Variants in TBC1D10A observed in about 807,000 individuals in gnomAD.
TBC1D10A encodes TBC1 domain family member 10A.
A neutral mutation model predicts 52.9 loss-of-function variants in TBC1D10A; 24 were observed. The ratio of observed to expected loss-of-function variants is 0.45; its 90% CI spans 0.33 to 0.64. The LOEUF is 0.64. Ranked by LOEUF, TBC1D10A falls within the 30% of genes least tolerant of loss-of-function variation. The pLI is 0.02. For missense variants in TBC1D10A, 602 were observed against 687.9 expected (o/e 0.88, Z 1.40); for synonymous variants, 278 against 282.9 (o/e 0.98, Z 0.17).
chr22:30,318,218 C>T (rs1930577455), intron 1 of TBC1D10A, among the ~76,000 whole-genome samples: 2 of 152,142 alleles, frequency 1.3e-5, no homozygotes, highest in East Asian at 3.9e-4. Flanking sequence ...TTGCCAAGTG[C>T]CTCCCCTTGA....
At chr22:30,305,129 A>C (rs1035249009) in intron 1 of TBC1D10A, among the ~76,000 whole-genome samples, 1 of 152,162 alleles carries the variant, frequency 6.6e-6, no homozygotes, top group Non-Finnish European at 1.5e-5. Flanking sequence ...CTCAGCCTTT[A>C]TTCATGCCAG....
In TBC1D10A at chr22:30,326,938, C is replaced by T; in HGVS notation, c.-57G>A. On this transcript the variant is annotated 5_prime_UTR_variant, in exon 1 of 9. Coordinates refer to ENST00000215790, the MANE Select transcript of TBC1D10A (RefSeq NM_031937.3). ...GCCACCTCAGCCGCCCTGCTGCCGC[C>T]GACGCCCCGCCCACGCGCGGCGCCT... The T allele has an allele frequency of 7.4e-7, 1 of 1,348,398 alleles. No individual in the cohort carries two copies. The allele number at this position is 1,348,398 out of a possible 1,614,324, so 83.5% of individuals were successfully genotyped here.
Position 30,326,923 on chromosome 22 carries a change from C to G in TBC1D10A, c.-42G>C. 3 of 1,404,704 alleles carry G rather than the reference C, an allele frequency of 2.1e-6. No homozygotes were observed. Among genetic ancestry groups the G allele is most frequent in the Non-Finnish European group, 1.8e-6 (2 of 1,082,564 alleles). 87.0% of individuals were successfully genotyped at this position (1,404,704 alleles called of 1,614,324 possible). A position where few individuals can be genotyped will look rare whatever the true frequency, so the allele number is the denominator to read the frequency against. On this transcript the variant is annotated 5_prime_UTR_variant, in exon 1 of 9. Transcript: ENST00000215790. ...GCCTGAGCTCCAGCGGCCACCTCAGCCGCCCTGCTGCCGCCGACGCCCCGC... is the reference window on the plus strand; with the variant it reads ...GCCTGAGCTCCAGCGGCCACCTCAGGCGCCCTGCTGCCGCCGACGCCCCGC...
chr22:30,296,189 T>C (rs1930076973), intron 3 of TBC1D10A: 1 of 229,678 alleles, frequency 4.4e-6, no homozygotes, highest in South Asian at 6.1e-5. Flanking sequence ...GAAGGCTGCT[T>C]CTCTGAGCAA....
chr22:30,294,583 C>T (rs1930031701), intron 6 of TBC1D10A, among the ~76,000 whole-genome samples: 1 of 152,190 alleles, frequency 6.6e-6, no homozygotes, highest in Admixed American at 6.5e-5. Context: ...GCAAAGTGAC[C>T]AGAGCAGCTA....
At chr22:30,292,926 C>A in intron 8 of TBC1D10A, 75 bp from the exon 9 acceptor site, 1 of 1,531,478 alleles carries the variant, frequency 6.5e-7, no homozygotes. Flanking sequence ...GCCTGGGCCC[C>A]CAGTCTTCCT....
chr22:30,304,742 G>A, intron 1 of TBC1D10A, 112 bp from the exon 2 acceptor site: 1 of 1,493,748 alleles, frequency 6.7e-7, no homozygotes, highest in African/African-American at 1.4e-5. Context: ...TACCATCCCT[G>A]CTGTTCCCTT....
Position 30,292,497 on chromosome 22 carries a change from C to T in TBC1D10A, c.1405G>A (p.Val469Met), listed in dbSNP as rs201349507. 19 of 1,608,906 alleles carry T rather than the reference C, an allele frequency of 1.2e-5. No individual in the cohort carries two copies. The African/African-American group carries it at 1.5e-4, about 12-fold the overall frequency. Residue 469 changes from valine (V) to methionine (M), a missense_variant, in exon 9 of 9, where the codon GTG becomes ATG. Coordinates refer to ENST00000215790, the MANE Select transcript of TBC1D10A (RefSeq NM_031937.3). ...TTGGGGGCTGAGTCCTTCGGGGGCACATGCTGTGGGGGACATGCATCTCCT... is the reference window on the plus strand; with the variant it reads ...TTGGGGGCTGAGTCCTTCGGGGGCATATGCTGTGGGGGACATGCATCTCCT... Reference protein sequence around the residue: ...AAGDACPPQHVPPKDSAPKDS... With the variant: ...AAGDACPPQHMPPKDSAPKDS...
intron 1 of TBC1D10A, among the ~76,000 whole-genome samples, chr22:30,324,564 C>T (rs1439836930): frequency 2.0e-5 from 3 of 152,278 alleles, no homozygotes; most frequent in East Asian, 3.9e-4. Flanking sequence ...TTGGGGACTA[C>T]AGCCAAAGGG....
At chr22:30,325,555 G>A (rs746790306) in intron 1 of TBC1D10A, among the ~76,000 whole-genome samples, 2 of 152,140 alleles carry the variant, frequency 1.3e-5, no homozygotes, top group Non-Finnish European at 2.9e-5. Flanking sequence ...CTGGTCTCAC[G>A]TGACAGGACA....
At chr22:30,293,241 T>C (rs1305156194) in intron 8 of TBC1D10A, 4 of 610,770 alleles carry the variant, frequency 6.5e-6, no homozygotes, top group African/African-American at 5.5e-5. Flanking sequence ...TTAAGGGGAG[T>C]TGCTTAGTGA....
At chr22:30,298,191 G>C (rs1356212014) in intron 3 of TBC1D10A, 2 of 152,268 alleles carry the variant, frequency 1.3e-5, no homozygotes, top group African/African-American at 4.8e-5. Context: ...GGCTCTGGCA[G>C]CCTGATTTTA....
chr22:30,302,392 C>T (rs1419150749), intron 2 of TBC1D10A, among the ~76,000 whole-genome samples: 1 of 152,136 alleles, frequency 6.6e-6, no homozygotes, highest in African/African-American at 2.4e-5. Context: ...CCTGCAGGAC[C>T]AGAATTCTGT....
chr22:30,314,253 C>T (rs181403985), intron 1 of TBC1D10A, among the ~76,000 whole-genome samples: 3 of 152,318 alleles, frequency 2.0e-5, no homozygotes, highest in East Asian at 1.9e-4. Flanking sequence ...GTATACACAG[C>T]CTTGCTCCTG....
intron 1 of TBC1D10A, among the ~76,000 whole-genome samples, chr22:30,312,454 T>C (rs773819716): frequency 3.9e-5 from 6 of 152,124 alleles, no homozygotes; most frequent in Non-Finnish European, 7.4e-5. Flanking sequence ...GCTCAGGAGT[T>C]TGAAGCTGCA....
intron 1 of TBC1D10A, among the ~76,000 whole-genome samples, chr22:30,317,539 C>T (rs1279813738): frequency 6.9e-6 from 1 of 144,290 alleles, no homozygotes; most frequent in Non-Finnish European, 1.5e-5. Flanking sequence ...TTTGTTTACA[C>T]TATGCTCCTA....
intron 1 of TBC1D10A, chr22:30,307,895 A>G (rs1470511031): frequency 2.0e-5 from 3 of 152,158 alleles, no homozygotes; most frequent in African/African-American, 7.2e-5. Context: ...TCCGGGTTTA[A>G]GTGATTCTCG....
chr22:30,312,899 TGAG>T (rs1290595639), intron 1 of TBC1D10A, among the ~76,000 whole-genome samples: 1 of 152,140 alleles, frequency 6.6e-6, no homozygotes, highest in Non-Finnish European at 1.5e-5. Flanking sequence ...TCCCTGCCCT[TGAG>T]GAGGTCAATC....
intron 2 of TBC1D10A, among the ~76,000 whole-genome samples, chr22:30,303,213 A>G (rs1930239795): frequency 6.6e-6 from 1 of 152,182 alleles, no homozygotes; most frequent in African/African-American, 2.4e-5. Context: ...CAGGAGTTCG[A>G]GGCTGCAGTG....
Sources: allele counts gnomAD v4.1 joint callset (sites outside exome capture counted in the v4.1 genomes callset), GRCh38; gene constraint gnomAD v4.1.1; transcripts MANE v1.5; gene names NCBI Gene and HGNC (gene_info 2026-07-23, HGNC 2026-07-21).